The following ZBTB7B variants were observed in gnomAD, a reference collection of about 807,000 sequenced individuals.
ZBTB7B encodes the protein zinc finger and BTB domain containing 7B.
A neutral mutation model predicts 31.0 loss-of-function variants in ZBTB7B; 8 were observed. The observed-to-expected ratio is 0.26, with a 90% CI of 0.15 to 0.47. The LOEUF (loss-of-function observed/expected upper bound fraction) is 0.47, where lower values mean the gene tolerates loss of function less well. Ranked by LOEUF, ZBTB7B falls within the 20% of genes least tolerant of loss-of-function variation. The pLI, the probability that ZBTB7B is intolerant of heterozygous loss-of-function variation, is 0.99. For missense variants in ZBTB7B, 494 were observed against 742.4 expected (o/e 0.67, Z 3.89); for synonymous variants, 261 against 307.3 (o/e 0.85, Z 1.58).
At position 155,018,424 on chromosome 1, in the gene ZBTB7B, G is replaced by A. The variant is rs2102328155; in HGVS notation, c.*1739G>A. 12 of 1,022,566 alleles carry A rather than the reference G, an allele frequency of 1.2e-5. No homozygotes were observed. In the South Asian group the frequency reaches 1.8e-4, roughly 15 times the overall value. 63.3% of individuals were successfully genotyped at this position (1,022,566 alleles called of 1,614,324 possible). A position where few individuals can be genotyped will look rare whatever the true frequency, so the allele number is the denominator to read the frequency against. The stretch of plus-strand genomic sequence containing the variant: ...TTCGGCTTTCCCAGTCAGTGCCTTA[G>A]GGGGAGAGGCACTCCCCCCCTCCTA... On this transcript the variant is annotated 3_prime_UTR_variant, in exon 3 of 3. Coordinates refer to ENST00000535420, the MANE Select transcript of ZBTB7B (RefSeq NM_001256455.2).
Position 155,014,960 on chromosome 1 carries a change from C to G in ZBTB7B, c.300C>G (p.Gly100=). 1 of 1,613,812 alleles carries G rather than the reference C, an allele frequency of 6.2e-7. No individual in the cohort carries two copies. Among genetic ancestry groups the G allele is most frequent in the Non-Finnish European group, 8.5e-7 (1 of 1,179,980 alleles). The change falls in exon 2 of 3, where the codon GGC becomes GGG. Residue 100 remains glycine, a synonymous_variant. Transcript: ENST00000535420. The part of the protein sequence containing the change: ...ELDFVGPEAL[G]ALLEFAYTAT... Reference sequence around the variant, plus strand: ...ACTTTGTAGGGCCAGAGGCACTAGGCGCCCTCCTTGAATTTGCCTATACAG... The same window carrying G: ...ACTTTGTAGGGCCAGAGGCACTAGGGGCCCTCCTTGAATTTGCCTATACAG...
intron 1 of ZBTB7B, among the ~76,000 whole-genome samples, chr1:155,011,388 T>G (rs2102294337): frequency 6.6e-6 from 1 of 152,352 alleles, no homozygotes; most frequent in South Asian, 2.1e-4. Context: ...CCTTGAGCAC[T>G]GAAGGGTAGG....
chr1:155,017,922 CA>C lies in ZBTB7B; in HGVS notation c.*1238del, dbSNP rs2102326264. 6.5e-6 allele frequency: 1 copy of C among 153,650 alleles called. No individual in the cohort carries two copies. The highest frequency in any genetic ancestry group is 2.4e-5 in the African/African-American group (1 of 41,592). The allele number at this position is 153,650 out of a possible 1,614,324, so 9.5% of individuals were successfully genotyped here. On this transcript the variant is annotated 3_prime_UTR_variant, in exon 3 of 3. Coordinates refer to ENST00000535420, the MANE Select transcript of ZBTB7B (RefSeq NM_001256455.2). ...CTGCTCTTAGGATTGAATCCACCCCCATTCTGTACATAGCCTCTTCTGTTGG... is the reference window on the plus strand; with the variant it reads ...CTGCTCTTAGGATTGAATCCACCCCCTTCTGTACATAGCCTCTTCTGTTGG...
chr1:155,015,096 C>A lies in ZBTB7B; in HGVS notation c.436C>A (p.Leu146Ile). 6.2e-7 allele frequency: 1 copy of A among 1,613,676 alleles called. No individual in the cohort carries two copies. The change falls in exon 2 of 3, where the codon CTA becomes ATA. Residue 146 changes from leucine to isoleucine, a missense_variant. Around this residue, in one of 5 missense-constraint regions of ZBTB7B, gnomAD observed 90 missense variants for 143.2 expected, o/e 0.63. Transcript: ENST00000535420. Reference sequence around the variant, plus strand: ...CATGGAGATTCTGCAGGGCAGTGGGCTAGAAGCTCCCAGCCCGGACGAGGA... The same window carrying A: ...CATGGAGATTCTGCAGGGCAGTGGGATAGAAGCTCCCAGCCCGGACGAGGA... Reference protein sequence around the residue: ...ACMEILQGSGLEAPSPDEDDC... With the variant: ...ACMEILQGSGIEAPSPDEDDC...
chr1:155,011,454 C>T (rs77982133), intron 1 of ZBTB7B, among the ~76,000 whole-genome samples: 4,543 of 152,354 alleles, frequency 0.03, 109 homozygotes, highest in Middle Eastern at 0.11. Context: ...AAGTCTTCCC[C>T]CAACCAAGGA....
intron 1 of ZBTB7B, among the ~76,000 whole-genome samples, chr1:155,011,373 G>A (rs1481900565): frequency 6.6e-6 from 1 of 152,220 alleles, no homozygotes; most frequent in Non-Finnish European, 1.5e-5. Flanking sequence ...TACCCTGCCA[G>A]GTGCCCTTGA....
rs376521847 is a variant in ZBTB7B, at chr1:155,018,462, C to T, written c.*1777C>T. On this transcript the variant is annotated 3_prime_UTR_variant, in exon 3 of 3. Transcript: ENST00000535420. ...TCCCCCCCTCCTATTCCCTTCCCCC[C>T]ACCCCAACTCCCCCACCTCGGGTGT... 2.2e-6 allele frequency: 3 copies of T among 1,392,738 alleles called. No homozygotes were observed. Among genetic ancestry groups the T allele is most frequent in the Admixed American group, 2.1e-5 (1 of 47,578 alleles). 86.3% of individuals were successfully genotyped at this position (1,392,738 alleles called of 1,614,324 possible).
rs1571501937 is a variant in ZBTB7B at position 155,003,411 on chromosome 1, C to G, written c.-7+468C>G. 6.6e-6 allele frequency among the ~76,000 whole-genome samples: 1 copy of G among 152,134 alleles called. No individual in the cohort carries two copies. Among genetic ancestry groups the G allele is most frequent in the Non-Finnish European group, 1.5e-5 (1 of 68,010 alleles). Reference sequence around the variant, plus strand: ...CGGTGGATTGGCCCCAGGCCAGTTGCATGGGGGTTGGGGGGGCGCAGGAGG... The same window carrying G: ...CGGTGGATTGGCCCCAGGCCAGTTGGATGGGGGTTGGGGGGGCGCAGGAGG... On this transcript the variant is annotated intron_variant, in intron 1 of 2. Transcript: ENST00000535420. This position sits in a 1 kb window ranked among gnomAD's most constrained non-coding sequence, Gnocchi z 5.8.
At position 155,016,009 on chromosome 1, in the gene ZBTB7B, G is replaced by A. The variant is rs865974947; in HGVS notation, c.1154+195G>A. On this transcript the variant is annotated intron_variant, in intron 2 of 2. Coordinates refer to ENST00000535420, the MANE Select transcript of ZBTB7B (RefSeq NM_001256455.2). The surrounding 1 kb of genome is among the most constrained non-coding windows in gnomAD (Gnocchi z 4.3). ...GGTGGATCTGGAGCATGGAGGATTC[G>A]GTGCCCAGGAGGGCAGTGCTGGAAG... Among the ~76,000 whole-genome samples, 19 of 152,152 alleles carry A rather than the reference G, an allele frequency of 1.2e-4. No homozygotes were observed. The highest frequency in any genetic ancestry group is 6.5e-5 in the Admixed American group (1 of 15,288).
In ZBTB7B at chr1:155,016,748, G is replaced by A. The variant is rs1218779686; in HGVS notation, c.*63G>A. On this transcript the variant is annotated 3_prime_UTR_variant, in exon 3 of 3. Transcript: ENST00000535420. This position sits in a 1 kb window ranked among gnomAD's most constrained non-coding sequence, Gnocchi z 4.3. ...GGGACACCCATGCCAAGCAGTGGGAGCACGCAGGACAGACACAGCAGGGGT... is the reference window on the plus strand; with the variant it reads ...GGGACACCCATGCCAAGCAGTGGGAACACGCAGGACAGACACAGCAGGGGT... 1 of 969,960 alleles carries A rather than the reference G, an allele frequency of 1.0e-6. No homozygotes were observed. The highest frequency in any genetic ancestry group is 1.5e-6 in the Non-Finnish European group (1 of 656,894). 60.1% of individuals were successfully genotyped at this position (969,960 alleles called of 1,614,324 possible). A position where few individuals can be genotyped will look rare whatever the true frequency, so the allele number is the denominator to read the frequency against.
At chr1:155,013,825 G>T (rs1178732374) in intron 1 of ZBTB7B, among the ~76,000 whole-genome samples, 2 of 151,496 alleles carry the variant, frequency 1.3e-5, no homozygotes, top group Admixed American at 1.3e-4. Context: ...GCAAAGGGTG[G>T]CTGCTCCTTG....
Position 155,018,460 on chromosome 1 carries a change from C to T in ZBTB7B, c.*1775C>T, listed in dbSNP as rs901856615. On this transcript the variant is annotated 3_prime_UTR_variant, in exon 3 of 3. Coordinates refer to ENST00000535420, the MANE Select transcript of ZBTB7B (RefSeq NM_001256455.2). ...ACTCCCCCCCTCCTATTCCCTTCCC[C>T]CCACCCCAACTCCCCCACCTCGGGT... is the stretch of plus-strand genomic sequence containing the variant. 2.7e-5 allele frequency: 38 copies of T among 1,385,434 alleles called. No individual in the cohort carries two copies. The highest frequency in any genetic ancestry group is 2.5e-4 in the Middle Eastern group (1 of 4,052). The allele number at this position is 1,385,434 out of a possible 1,614,324, so 85.8% of individuals were successfully genotyped here. A position where few individuals can be genotyped will look rare whatever the true frequency, so the allele number is the denominator to read the frequency against.
intron 1 of ZBTB7B, chr1:155,010,810 TG>T (rs150139180): frequency 9.1e-5 from 78 of 856,478 alleles, no homozygotes; most frequent in African/African-American, 4.1e-4. Context: ...GGAGTTGGGG[TG>T]GGGGGGTGGA....
At chr1:155,001,984 C>A (rs1343816321), upstream of ZBTB7B, among the ~76,000 whole-genome samples, 1 of 151,922 alleles carries the variant, frequency 6.6e-6, no homozygotes, top group African/African-American at 2.4e-5. This position sits in a 1 kb window ranked among gnomAD's most constrained non-coding sequence, Gnocchi z 4.8. Flanking sequence ...CCAATTCACC[C>A]CCACCCAGCC....
chr1:155,015,639 G>C lies in ZBTB7B; in HGVS notation c.979G>C (p.Ala327Pro). Residue 327 changes from alanine to proline, a missense_variant, in exon 2 of 3, where the codon GCA (alanine) becomes CCA (proline). By Grantham distance (27) the Ala-to-Pro change is conservative (BLOSUM62 -1). Coordinates refer to ENST00000535420, the MANE Select transcript of ZBTB7B (RefSeq NM_001256455.2). ...YLSSLHQDNL[A>P]PGLDSQDKLV... ...AAGCTCCCTGCACCAGGACAACCTG[G>C]CACCAGGCCTGGACAGCCAAGACAA... 6.2e-7 allele frequency: 1 copy of C among 1,613,546 alleles called. No homozygotes were observed. The highest frequency in any genetic ancestry group is 8.5e-7 in the Non-Finnish European group (1 of 1,179,994).
In ZBTB7B at chr1:155,003,360, C is replaced by G. The variant is rs1373066353; in HGVS notation, c.-7+417C>G. On this transcript the variant is annotated intron_variant, in intron 1 of 2. Coordinates refer to ENST00000535420, the MANE Select transcript of ZBTB7B (RefSeq NM_001256455.2). This position sits in a 1 kb window ranked among gnomAD's most constrained non-coding sequence, Gnocchi z 5.8. ...GACTCTAACTAGGACAACGCGCACCCCCCCCCCACCCCGCGCCCCCTGGCG... is the reference window on the plus strand; with the variant it reads ...GACTCTAACTAGGACAACGCGCACCGCCCCCCCACCCCGCGCCCCCTGGCG... Among the ~76,000 whole-genome samples the G allele has an allele frequency of 6.6e-6, 1 of 151,010 alleles. No individual in the cohort carries two copies. The highest frequency in any genetic ancestry group is 1.5e-5 in the Non-Finnish European group (1 of 67,540).
chr1:155,015,371 G>A lies in ZBTB7B; in HGVS notation c.711G>A (p.Glu237=). 1.9e-6 allele frequency: 3 copies of A among 1,574,838 alleles called. No homozygotes were observed. The highest frequency in any genetic ancestry group is 1.8e-5 in the Admixed American group (1 of 57,052). The change falls in exon 2 of 3, where the codon GAG becomes GAA. Residue 237 remains glutamate (E), a synonymous_variant. Coordinates refer to ENST00000535420, the MANE Select transcript of ZBTB7B (RefSeq NM_001256455.2). ...ATCCCTTGACCTATGAGGAGGAGGA[G>A]GTGGCGGGCAGAGTGGGCAGCAGTG... is the stretch of plus-strand genomic sequence containing the variant. ...PAHPLTYEEE[E]VAGRVGSSGG...
intron 1 of ZBTB7B, among the ~76,000 whole-genome samples, chr1:155,012,460 T>TGCC (rs1403144108): frequency 6.6e-6 from 1 of 152,126 alleles, no homozygotes; most frequent in East Asian, 1.9e-4. Context: ...CTGCTGCTGC[T>TGCC]GCCCACCTGG....
In ZBTB7B at chr1:155,015,149, G is replaced by A. The variant is rs1659264421; in HGVS notation, c.489G>A (p.Leu163=). The A allele has an allele frequency of 1.1e-5, 18 of 1,613,722 alleles. No homozygotes were observed. Among genetic ancestry groups the A allele is most frequent in the Non-Finnish European group, 1.5e-5 (18 of 1,180,022 alleles). The change falls in exon 2 of 3, where the codon CTG becomes CTA. Residue 163 remains leucine (L), a synonymous_variant. Transcript: ENST00000535420. ...ACTGTGAGCGAGCCCGCCAGTATCT[G>A]GAGGCCTTTGCCACAGCCACGGCCT... ...EDDCERARQY[L]EAFATATASG...
Sources: gnomAD v4.1 joint callset for allele counts (sites outside exome capture counted in the v4.1 genomes callset) on GRCh38, gnomAD v4.1.1 for gene constraint, gnomAD v4.1.1 regional missense constraint, Gnocchi (gnomAD v3.1) non-coding constraint, MANE v1.5 for transcripts, NCBI Gene and HGNC (gene_info 2026-07-23, HGNC 2026-07-21) for gene names.